Variants in RSPH3 observed in about 807,000 individuals in gnomAD.
RSPH3 encodes the protein radial spoke head 3, also known as radial spoke head protein 3 homolog.
In RSPH3, 21 loss-of-function variants were observed where a neutral mutation model predicts 43.8. The ratio of observed to expected loss-of-function variants is 0.48; its 90% CI spans 0.34 to 0.69. RSPH3 has a LOEUF of 0.69. RSPH3 is among the 30% of genes least tolerant of loss of function. RSPH3 has a pLI of 0.01. For synonymous variants in RSPH3, 173 were observed against 179.8 expected, an observed-to-expected ratio of 0.96 and a Z score of 0.30; for missense variants, 487 against 516.0, an observed-to-expected ratio of 0.94 and a Z score of 0.54.
At chr6:158,982,439 A>C (rs1249676283) in intron 5 of RSPH3, 46 bp downstream of exon 5, 2 of 1,261,438 alleles carry the variant, frequency 1.6e-6, no homozygotes, top group Admixed American at 4.0e-5. Flanking sequence ...ATAATATGCT[A>C]ACTAGCCAAA....
Position 158,986,343 on chromosome 6 carries a change from C to A in RSPH3, c.283G>T (p.Glu95Ter). Reference sequence around the variant, plus strand: ...TCAGGTGTTTGTGGTCTGAGCTGCTCTTGGGCTTGTTTTCTGGCAAGAGCC... The same window carrying A: ...TCAGGTGTTTGTGGTCTGAGCTGCTATTGGGCTTGTTTTCTGGCAAGAGCC... ...KRALARKQAQ[E>*]QLRPQTPEPV... The change falls in exon 3 of 8, where the codon GAG becomes TAG. Residue 95 changes from glutamate (E) to a stop codon, truncating the protein, a stop_gained. Transcript: ENST00000367069. LOFTEE classifies it high-confidence loss of function. 1 of 1,614,156 alleles carries A rather than the reference C, an allele frequency of 6.2e-7. No homozygotes were observed. The highest frequency in any genetic ancestry group is 8.5e-7 in the Non-Finnish European group (1 of 1,180,010).
Position 158,999,898 on chromosome 6 carries a change from C to G in RSPH3, c.-348G>C. ...ACTTCCGGCTCTTGACTCCGCCCAG[C>G]CGCGCCACCCAGGTAGGTGCGCCTG... On this transcript the variant is annotated 5_prime_UTR_variant, in exon 1 of 8. Transcript: ENST00000367069. 6.2e-7 allele frequency: 1 copy of G among 1,613,198 alleles called. No individual in the cohort carries two copies. Among genetic ancestry groups the G allele is most frequent in the Non-Finnish European group, 8.5e-7 (1 of 1,179,788 alleles).
intron 1 of RSPH3, among the ~76,000 whole-genome samples, chr6:158,995,921 C>G (rs1022483965): frequency 1.3e-5 from 2 of 152,062 alleles, no homozygotes; most frequent in African/African-American, 4.8e-5. Context: ...TTTTAAGGCC[C>G]CACTGTGATT....
intron 1 of RSPH3, among the ~76,000 whole-genome samples, chr6:158,995,487 T>C (rs1437675967): frequency 2.6e-5 from 4 of 152,212 alleles, no homozygotes; most frequent in Admixed American, 6.5e-5. Flanking sequence ...CCTCATTCCG[T>C]GGCTTGTGGT....
chr6:158,971,879 T>TAA, downstream of RSPH3, among the ~76,000 whole-genome samples: 1 of 152,340 alleles, frequency 6.6e-6, no homozygotes, highest in Non-Finnish European at 1.5e-5. Flanking sequence ...CTGGGAAACA[T>TAA]GTTTTAACAG....
At chr6:158,988,641 C>T (rs117292627) in intron 2 of RSPH3, among the ~76,000 whole-genome samples, 2,709 of 152,128 alleles carry the variant, frequency 0.018, 33 homozygotes, top group Middle Eastern at 0.024. Flanking sequence ...GTTCACTGAT[C>T]CTTTCCTCTG....
intron 6 of RSPH3, among the ~76,000 whole-genome samples, 171 bp from the exon 7 acceptor site, chr6:158,978,517 G>A (rs1227737712): frequency 2.0e-5 from 3 of 152,030 alleles, no homozygotes; most frequent in Non-Finnish European, 4.4e-5. Flanking sequence ...TTTCCTTTCT[G>A]TTGCATAAGT....
chr6:158,970,466 C>G (rs1777683085), downstream of RSPH3, among the ~76,000 whole-genome samples: 1 of 152,104 alleles, frequency 6.6e-6, no homozygotes, highest in Non-Finnish European at 1.5e-5. Flanking sequence ...TGATTCAGGC[C>G]TTCTTAGCTC....
At chr6:158,984,266 T>C (rs74298052) in intron 3 of RSPH3, among the ~76,000 whole-genome samples, 17,021 of 151,254 alleles carry the variant, frequency 0.11, 1,651 homozygotes, top group East Asian at 0.41. Flanking sequence ...CCTCACATAC[T>C]GAACTAAGAG....
At position 159,000,085 on chromosome 6, in the gene RSPH3, C is replaced by T. The variant is rs1003857567; in HGVS notation, c.-535G>A. On this transcript the variant is annotated 5_prime_UTR_variant, in exon 1 of 8. Transcript: ENST00000367069. ...CGCAGGCCCACGTGCTCCTGCTCTT[C>T]CAGGGTGTCCTCGGCTGTTTCTCCT... 1.7e-6 allele frequency: 2 copies of T among 1,168,416 alleles called. No individual in the cohort carries two copies. Among genetic ancestry groups the T allele is most frequent in the Admixed American group, 3.0e-5 (1 of 33,638 alleles). 72.4% of individuals were successfully genotyped at this position (1,168,416 alleles called of 1,614,324 possible).
chr6:158,988,610 A>G (rs1778306519), intron 2 of RSPH3, among the ~76,000 whole-genome samples: 1 of 151,460 alleles, frequency 6.6e-6, no homozygotes, highest in Non-Finnish European at 1.5e-5. Flanking sequence ...GTATTTTCAA[A>G]TAGTCTGTCT....
chr6:158,965,999 A>G, the RSPH3 span, among the ~76,000 whole-genome samples: 2,710 of 152,242 alleles, frequency 0.018, 34 homozygotes, highest in Middle Eastern at 0.024. Context: ...TTCTGCATCT[A>G]TTGAGATGAT....
At chr6:158,987,478 A>C (rs1055055081) in intron 2 of RSPH3, among the ~76,000 whole-genome samples, 1 of 152,108 alleles carries the variant, frequency 6.6e-6, no homozygotes, top group African/African-American at 2.4e-5. Flanking sequence ...ATTATTGATA[A>C]AGCAAGGACT....
chr6:158,987,445 C>T (rs140010971), intron 2 of RSPH3, among the ~76,000 whole-genome samples: 48 of 152,214 alleles, frequency 3.2e-4, no homozygotes, highest in East Asian at 1.4e-3. Context: ...ATTGGAGAAC[C>T]GAGTCCTCTT....
Position 158,980,902 on chromosome 6 carries a change from T to A in RSPH3, c.731A>T (p.His244Leu). 1 of 1,614,168 alleles carries A rather than the reference T, an allele frequency of 6.2e-7. No individual in the cohort carries two copies. Among genetic ancestry groups the A allele is most frequent in the South Asian group, 1.1e-5 (1 of 91,088 alleles). The change falls in exon 6 of 8, where the codon CAC (histidine) becomes CTC (leucine). Residue 244 changes from histidine to leucine, a missense_variant. Physicochemically the swap from His to Leu is moderately conservative, Grantham distance 99. Transcript: ENST00000367069. ...TTTTTGTGATGTCTCGTTGTGCTTG[T>A]GCATTATTTCCCACTGCTGTTTCTT... is the stretch of plus-strand genomic sequence containing the variant. ...RRKKQQWEIM[H>L]KHNETSQKIA...
intron 5 of RSPH3, 108 bp from the exon 6 acceptor site, chr6:158,981,044 C>A: frequency 1.9e-6 from 2 of 1,031,304 alleles, no homozygotes; most frequent in South Asian, 3.6e-5. Context: ...AAATGGACAG[C>A]GAGGTGTCTA....
At chr6:158,978,712 T>G (rs1300568383) in intron 6 of RSPH3, among the ~76,000 whole-genome samples, 1 of 152,126 alleles carries the variant, frequency 6.6e-6, no homozygotes, top group Non-Finnish European at 1.5e-5. Context: ...GGCTAATTTT[T>G]GTATTTTTAG....
chr6:158,963,416 TC>T, the RSPH3 span, among the ~76,000 whole-genome samples: 8 of 74,148 alleles, frequency 1.1e-4, no homozygotes, highest in African/African-American at 3.7e-4. Context: ...CCCCCCTCCT[TC>T]CCCCTTCCCT....
intron 1 of RSPH3, among the ~76,000 whole-genome samples, chr6:158,999,220 A>G (rs1300204203): frequency 0.018 from 2,693 of 152,324 alleles, 34 homozygotes; most frequent in Middle Eastern, 0.024. Flanking sequence ...GCAGCAACTC[A>G]TATCACTAAA....
Sources: gnomAD v4.1 joint callset for allele counts (sites outside exome capture counted in the v4.1 genomes callset) on GRCh38, gnomAD v4.1.1 for gene constraint, MANE v1.5 for transcripts, NCBI Gene and HGNC (gene_info 2026-07-23, HGNC 2026-07-21) for gene names.